Variants in SLC35D4 observed in about 807,000 individuals in gnomAD.
SLC35D4 encodes solute carrier family 35 member D4.
chr18:23,386,722 CAAA>C, the SLC35D4 span, among the ~76,000 whole-genome samples: 24 of 108,406 alleles, frequency 2.2e-4, no homozygotes, highest in African/African-American at 2.9e-4. Flanking sequence ...AAACTCTCAC[CAAA>C]AAAAAAAAAA....
chr18:23,324,763 G>T, the SLC35D4 span, among the ~76,000 whole-genome samples: 2 of 152,204 alleles, frequency 1.3e-5, no homozygotes, highest in African/African-American at 4.8e-5. Context: ...GCAGTCTACG[G>T]AGGGGGAACA....
the SLC35D4 span, among the ~76,000 whole-genome samples, chr18:23,246,688 G>T: frequency 2.0e-5 from 3 of 151,228 alleles, no homozygotes; most frequent in Non-Finnish European, 4.4e-5. Context: ...ACCGCACCCG[G>T]CCAGTTTTTT....
chr18:23,353,601 C>T, the SLC35D4 span, among the ~76,000 whole-genome samples: 1 of 152,172 alleles, frequency 6.6e-6, no homozygotes, highest in African/African-American at 2.4e-5. Context: ...TAGGTTTCCC[C>T]ATGTGTATTT....
At chr18:23,350,830 G>C in the SLC35D4 span, among the ~76,000 whole-genome samples, 1 of 152,122 alleles carries the variant, frequency 6.6e-6, no homozygotes, top group East Asian at 1.9e-4. Flanking sequence ...TATCACACTG[G>C]GGAGGAGGGA....
At chr18:23,341,825 G>A in the SLC35D4 span, among the ~76,000 whole-genome samples, 1 of 152,008 alleles carries the variant, frequency 6.6e-6, no homozygotes, top group African/African-American at 2.4e-5. Flanking sequence ...CATTTAAGAA[G>A]AATTAGCATT....
the SLC35D4 span, among the ~76,000 whole-genome samples, chr18:23,341,736 A>AAG: frequency 6.6e-6 from 1 of 152,100 alleles, no homozygotes; most frequent in Non-Finnish European, 1.5e-5. Flanking sequence ...AAATAGGAAA[A>AAG]AGAGAGAGAG....
the SLC35D4 span, among the ~76,000 whole-genome samples, chr18:23,432,107 T>C: frequency 6.6e-6 from 1 of 152,212 alleles, no homozygotes; most frequent in African/African-American, 2.4e-5. Flanking sequence ...ACTTTTCTGA[T>C]ATTTTTATTC....
the SLC35D4 span, among the ~76,000 whole-genome samples, chr18:23,390,759 T>G: frequency 6.6e-6 from 1 of 152,214 alleles, no homozygotes; most frequent in African/African-American, 2.4e-5. Flanking sequence ...CTGAGTCAAC[T>G]TCTCAATTTT....
At chr18:23,253,622 C>T in the SLC35D4 span, 16 of 920,652 alleles carry the variant, frequency 1.7e-5, no homozygotes, top group African/African-American at 3.3e-5. Flanking sequence ...TCCAGATCAC[C>T]CTCTGGGAAA....
At chr18:23,395,249 CA>C in the SLC35D4 span, among the ~76,000 whole-genome samples, 6 of 152,080 alleles carry the variant, frequency 3.9e-5, no homozygotes, top group Admixed American at 3.3e-4. Flanking sequence ...TTTGTGGATC[CA>C]ACTTCCTTTA....
the SLC35D4 span, chr18:23,253,708 C>T: frequency 6.2e-7 from 1 of 1,608,092 alleles, no homozygotes. Context: ...AGACTGTTCC[C>T]TCTTGCCTGT....
chr18:23,405,006 A>C, the SLC35D4 span, among the ~76,000 whole-genome samples: 66 of 149,424 alleles, frequency 4.4e-4, no homozygotes, highest in East Asian at 3.3e-3. Context: ...AAAAAAAAAA[A>C]AAAAAAAAAA....
the SLC35D4 span, among the ~76,000 whole-genome samples, chr18:23,424,471 T>C: frequency 6.6e-6 from 1 of 152,208 alleles, no homozygotes; most frequent in Non-Finnish European, 1.5e-5. Context: ...CCTGCCTTTG[T>C]AGATCTTACA....
At chr18:23,418,742 T>G in the SLC35D4 span, among the ~76,000 whole-genome samples, 1 of 150,624 alleles carries the variant, frequency 6.6e-6, no homozygotes, top group African/African-American at 2.4e-5. Context: ...GTACGGTGGC[T>G]CAAGCCTGTA....
the SLC35D4 span, among the ~76,000 whole-genome samples, chr18:23,340,801 A>C: frequency 1.3e-5 from 2 of 152,178 alleles, no homozygotes; most frequent in African/African-American, 4.8e-5. Flanking sequence ...AGGCCCCACA[A>C]GCATTGCCGC....
chr18:23,353,147 G>A, the SLC35D4 span, among the ~76,000 whole-genome samples: 1 of 151,238 alleles, frequency 6.6e-6, no homozygotes, highest in Non-Finnish European at 1.5e-5. Flanking sequence ...GAGAAAGGCT[G>A]ACTTCATGCA....
chr18:23,420,123 G>A, the SLC35D4 span, among the ~76,000 whole-genome samples: 1 of 151,952 alleles, frequency 6.6e-6, no homozygotes. Flanking sequence ...GACCAACACG[G>A]AGAAACCCCG....
the SLC35D4 span, among the ~76,000 whole-genome samples, chr18:23,286,538 C>T: frequency 6.6e-6 from 1 of 151,978 alleles, no homozygotes; most frequent in Non-Finnish European, 1.5e-5. Context: ...TGATGCTGCC[C>T]GATCGCCTCG....
At chr18:23,253,116 CCACA>C in the SLC35D4 span, 2 of 1,001,392 alleles carry the variant, frequency 2.0e-6, no homozygotes, top group African/African-American at 3.2e-5. Flanking sequence ...ACCCCTCTTT[CCACA>C]CACCGTAAGC....
Sources: gnomAD v4.1 joint callset for allele counts (sites outside exome capture counted in the v4.1 genomes callset) on GRCh38, gnomAD v4.1.1 for gene constraint, MANE v1.5 for transcripts, NCBI Gene and HGNC (gene_info 2026-07-23, HGNC 2026-07-21) for gene names.